The following TBCE variants were observed in gnomAD, a reference collection of about 807,000 sequenced individuals.
TBCE encodes the protein tubulin folding cofactor E.
TBCE carries 53 observed loss-of-function variants against 77.0 expected under a neutral mutation model. The observed-to-expected ratio is 0.69, with a 90% confidence interval of 0.55 to 0.87. The LOEUF (loss-of-function observed/expected upper bound fraction) is 0.87, where lower values mean the gene tolerates loss of function less well. Ranked by LOEUF, TBCE falls within the 40% of genes least tolerant of loss-of-function variation. TBCE has a pLI of 0.00. For missense variants in TBCE, 624 were observed against 622.4 expected, an observed-to-expected ratio of 1.00 and a Z score of -0.03; for synonymous variants, 235 against 241.3, an observed-to-expected ratio of 0.97 and a Z score of 0.24.
At chr1:235,439,541 A>G (rs1681697285) in intron 13 of TBCE, among the ~76,000 whole-genome samples, 1 of 150,446 alleles carries the variant, frequency 6.6e-6, no homozygotes, top group East Asian at 2.1e-4. Flanking sequence ...GCCCAGGCCC[A>G]GGCTGGAGTG....
At chr1:235,415,722 C>T (rs1286878131) in intron 4 of TBCE, 3 of 150,592 alleles carry the variant, frequency 2.0e-5, no homozygotes, top group African/African-American at 7.3e-5. Flanking sequence ...ATACATGGCC[C>T]CCATTAAAAA....
In TBCE at chr1:235,448,322, G is replaced by C. The variant is rs111876307; in HGVS notation, c.1400-27G>C. The C allele has an allele frequency of 5.0e-6, 8 of 1,600,970 alleles. No homozygotes were observed. The African/African-American group carries it at 6.7e-5, about 13-fold the overall frequency. On this transcript the variant is annotated intron_variant, in intron 15 of 16. Transcript: ENST00000642610. ...ACAGGTAACTGTCATTTGAGAGAAC[G>C]AATGGACTTTTCTTGTCTTTTGATA... is the stretch of plus-strand genomic sequence containing the variant.
At chr1:235,377,221 C>G (rs902865839) in intron 1 of TBCE, among the ~76,000 whole-genome samples, 1 of 152,190 alleles carries the variant, frequency 6.6e-6, no homozygotes, top group Non-Finnish European at 1.5e-5. Flanking sequence ...TGCTCTGTCG[C>G]CAGGCTGGAG....
chr1:235,412,572 A>C (rs938728848), intron 3 of TBCE, among the ~76,000 whole-genome samples: 3 of 150,800 alleles, frequency 2.0e-5, no homozygotes, highest in African/African-American at 4.9e-5. Flanking sequence ...TCAGCCTCCC[A>C]AAATGCTAGG....
intron 1 of TBCE, among the ~76,000 whole-genome samples, chr1:235,371,037 G>GGTTTT (rs1558339723): frequency 5.0e-5 from 2 of 39,650 alleles, no homozygotes; most frequent in East Asian, 1.6e-3. Flanking sequence ...ATCACGCCTG[G>GGTTTT]CTTTTTTTTT....
At chr1:235,394,295 C>T (rs1408173508) in intron 2 of TBCE, among the ~76,000 whole-genome samples, 1 of 151,934 alleles carries the variant, frequency 6.6e-6, no homozygotes, top group East Asian at 1.9e-4. Flanking sequence ...AGGATAGTCT[C>T]GATCTCCTGA....
chr1:235,432,342 G>A (rs1375839329), intron 7 of TBCE, among the ~76,000 whole-genome samples: 1 of 152,210 alleles, frequency 6.6e-6, no homozygotes, highest in African/African-American at 2.4e-5. Flanking sequence ...TGTTCACCCA[G>A]GAAGTGCCAC....
At position 235,395,955 on chromosome 1, in the gene TBCE, C is replaced by T. The variant is rs187579110; in HGVS notation, c.101-5548C>T. 4.1e-3 allele frequency among the ~76,000 whole-genome samples: 622 copies of T among 152,278 alleles called. 5 individuals carry two copies. The highest frequency in any genetic ancestry group is 0.014 in the African/African-American group (590 of 41,580). Reference sequence around the variant, plus strand: ...TCTGTGCTTGACTTATTTCATTTAACATAATGACCTCCAGTTCCACCCATG... The same window carrying T: ...TCTGTGCTTGACTTATTTCATTTAATATAATGACCTCCAGTTCCACCCATG... On this transcript the variant is annotated intron_variant, in intron 2 of 16. Coordinates refer to ENST00000642610, the MANE Select transcript of TBCE (RefSeq NM_003193.5).
intron 1 of TBCE, among the ~76,000 whole-genome samples, chr1:235,369,682 C>T (rs1676786332): frequency 1.3e-5 from 2 of 151,740 alleles, no homozygotes; most frequent in Non-Finnish European, 1.5e-5. Context: ...AAAAAATTAC[C>T]CAGGTGTGGT....
At chr1:235,413,687 T>G (rs1272021583) in intron 3 of TBCE, among the ~76,000 whole-genome samples, 1 of 150,852 alleles carries the variant, frequency 6.6e-6, no homozygotes, top group African/African-American at 2.4e-5. Flanking sequence ...AAAAAAGTAA[T>G]GATCGTAAGC....
chr1:235,448,231 A>C (rs1021560935), intron 15 of TBCE, 118 bp from the exon 16 acceptor site: 1 of 793,420 alleles, frequency 1.3e-6, no homozygotes, highest in African/African-American at 1.8e-5. Context: ...AAAAAAAAAA[A>C]AAAAAAAAAG....
chr1:235,376,276 C>T (rs186925195), intron 1 of TBCE, among the ~76,000 whole-genome samples: 94 of 152,272 alleles, frequency 6.2e-4, no homozygotes, highest in African/African-American at 2.0e-3. Context: ...CTTCAATCCT[C>T]ATTCCTGCTA....
rs1222565967 is a variant in TBCE, at chr1:235,438,846, A to T, written c.1194A>T (p.Gly398=). ...GAAATGAGTGGAAACAGGCTGGTGG[A>T]CATAAGGATCCGGAAAAAAACAGAC... is the stretch of plus-strand genomic sequence containing the variant. ...AFGNEWKQAG[G]HKDPEKNRLS... Residue 398 remains glycine (G), a synonymous_variant, in exon 13 of 17, where the codon GGA becomes GGT. Transcript: ENST00000642610. 1 of 1,614,026 alleles carries T rather than the reference A, an allele frequency of 6.2e-7. No homozygotes were observed. Among genetic ancestry groups the T allele is most frequent in the African/African-American group, 1.3e-5 (1 of 74,926 alleles).
At chr1:235,430,506 G>A in intron 6 of TBCE, 199 bp from the exon 7 acceptor site, 1 of 477,352 alleles carries the variant, frequency 2.1e-6, no homozygotes, top group South Asian at 2.1e-5. Flanking sequence ...CCAAAAAGTT[G>A]TATGTTGTAA....
intron 12 of TBCE, among the ~76,000 whole-genome samples, chr1:235,438,462 C>T (rs2102928448): frequency 1.3e-5 from 2 of 151,724 alleles, no homozygotes; most frequent in Middle Eastern, 6.8e-3. Flanking sequence ...GCAGGAGAAT[C>T]ACTTGAATCT....
intron 1 of TBCE, among the ~76,000 whole-genome samples, chr1:235,376,846 C>T (rs1346101491): frequency 2.0e-5 from 3 of 151,964 alleles, no homozygotes; most frequent in Non-Finnish European, 2.9e-5. Flanking sequence ...TGGTGGCGGC[C>T]GCCTGTAATC....
chr1:235,437,618 C>A, intron 12 of TBCE, 144 bp downstream of exon 12: 1 of 941,854 alleles, frequency 1.1e-6, no homozygotes, highest in Non-Finnish European at 1.6e-6. Context: ...TTGAGACCAG[C>A]CTGGGCAATC....
chr1:235,448,548 T>TC, intron 16 of TBCE, 108 bp downstream of exon 16: 2 of 1,385,914 alleles, frequency 1.4e-6, no homozygotes. Context: ...AGACCATGGG[T>TC]CTGTTTGTTT....
At chr1:235,401,908 C>T (rs978628856) in intron 3 of TBCE, among the ~76,000 whole-genome samples, 5 of 143,488 alleles carry the variant, frequency 3.5e-5, no homozygotes, top group Non-Finnish European at 6.0e-5. Context: ...ATTTACAATC[C>T]AGTAAGTAAA....
Sources: gnomAD v4.1 joint callset for allele counts (sites outside exome capture counted in the v4.1 genomes callset) on GRCh38, gnomAD v4.1.1 for gene constraint, MANE v1.5 for transcripts, NCBI Gene and HGNC (gene_info 2026-07-23, HGNC 2026-07-21) for gene names.